Variants in RIT2 observed in about 807,000 individuals in gnomAD.
RIT2 encodes Ras like without CAAX 2.
Under a neutral mutation model 23.7 loss-of-function variants are expected in RIT2, and 24 were observed. The ratio of observed to expected loss-of-function variants is 1.01; its 90% CI spans 0.73 to 1.43. RIT2 has a LOEUF of 1.43. Ranked by LOEUF, RIT2 falls within the 40% of genes most tolerant of loss-of-function variation. The probability of loss-of-function intolerance (pLI) is 0.00; values close to 1 mark genes in which losing one functional copy is unlikely to be tolerated. For synonymous variants in RIT2, 107 were observed against 91.1 expected, an observed-to-expected ratio of 1.17 and a Z score of -0.99; for missense variants, 236 against 266.9, an observed-to-expected ratio of 0.88 and a Z score of 0.81.
intron 4 of RIT2, among the ~76,000 whole-genome samples, chr18:42,857,855 T>C (rs955581315): frequency 2.0e-5 from 3 of 152,170 alleles, no homozygotes; most frequent in Non-Finnish European, 4.4e-5. Flanking sequence ...GAATCAGTCT[T>C]GGGCTACATA....
chr18:42,806,570 T>C (rs1905690755), intron 4 of RIT2, among the ~76,000 whole-genome samples: 1 of 152,222 alleles, frequency 6.6e-6, no homozygotes, highest in African/African-American at 2.4e-5. Context: ...CTTGTGGCAC[T>C]GCGTTGATTT....
At chr18:42,993,642 C>T (rs1910907575) in intron 2 of RIT2, among the ~76,000 whole-genome samples, 1 of 152,050 alleles carries the variant, frequency 6.6e-6, no homozygotes, top group Admixed American at 6.6e-5. Context: ...CTTATCAGGC[C>T]AAGACACTTT....
At chr18:42,941,624 T>C (rs988209039) in intron 3 of RIT2, among the ~76,000 whole-genome samples, 5 of 152,068 alleles carry the variant, frequency 3.3e-5, no homozygotes, top group Admixed American at 2.0e-4. Context: ...TGTTGTGGAG[T>C]AGAATTAATC....
At chr18:43,101,095 C>T (rs1913673695) in intron 1 of RIT2, among the ~76,000 whole-genome samples, 1 of 151,892 alleles carries the variant, frequency 6.6e-6, no homozygotes, top group African/African-American at 2.4e-5. Context: ...ACACGATTCA[C>T]TTATAGTAAT....
At chr18:42,825,103 T>C (rs1293377277) in intron 4 of RIT2, among the ~76,000 whole-genome samples, 2 of 151,938 alleles carry the variant, frequency 1.3e-5, no homozygotes, top group African/African-American at 4.8e-5. Flanking sequence ...CAAACTTATG[T>C]TATTTAATTT....
At chr18:42,935,932 C>T (rs556716519) in intron 3 of RIT2, among the ~76,000 whole-genome samples, 133 of 151,838 alleles carry the variant, frequency 8.8e-4, no homozygotes, top group Middle Eastern at 3.4e-3. Flanking sequence ...GATTTGGCGC[C>T]CTATGCAGAT....
At chr18:43,077,689 C>G (rs775424559) in intron 1 of RIT2, among the ~76,000 whole-genome samples, 4 of 152,180 alleles carry the variant, frequency 2.6e-5, no homozygotes, top group Non-Finnish European at 4.4e-5. Flanking sequence ...CTTTTTATAA[C>G]TGACAGCCCA....
intron 4 of RIT2, among the ~76,000 whole-genome samples, chr18:42,789,224 T>G (rs2143943300): frequency 6.6e-6 from 1 of 152,288 alleles, no homozygotes; most frequent in South Asian, 2.1e-4. Flanking sequence ...AGAGTGAAAA[T>G]GTAAAAATGC....
Position 42,873,316 on chromosome 18 carries a change from G to A in RIT2, c.426+50256C>T, listed in dbSNP as rs73471638. 1.1e-4 allele frequency among the ~76,000 whole-genome samples: 17 copies of A among 151,960 alleles called. No individual in the cohort carries two copies. The East Asian group carries it at 3.3e-3, about 29-fold the overall frequency. ...CTAAGGACAGAAGCCTTTATATAGTGGAAAAACATTTAAAGTCTATACTTT... is the reference window on the plus strand; with the variant it reads ...CTAAGGACAGAAGCCTTTATATAGTAGAAAAACATTTAAAGTCTATACTTT... On this transcript the variant is annotated intron_variant, in intron 4 of 4. Transcript: ENST00000326695.
rs143337672 is a variant in RIT2, at chr18:42,994,358, C to T, written c.161-20211G>A. 4.5e-3 allele frequency among the ~76,000 whole-genome samples: 688 copies of T among 152,226 alleles called. 5 individuals are homozygous for T. The highest frequency in any genetic ancestry group is 0.037 in the Middle Eastern group (11 of 294). On this transcript the variant is annotated intron_variant, in intron 2 of 4. Transcript: ENST00000326695. ...ACATGCTCTCCCTGCCGATCGTGTC[C>T]GACTGATCTCTCAAACGTCAACCCC... is the stretch of plus-strand genomic sequence containing the variant.
intron 4 of RIT2, among the ~76,000 whole-genome samples, chr18:42,857,810 A>T (rs1311723651): frequency 6.6e-6 from 1 of 152,200 alleles, no homozygotes; most frequent in East Asian, 1.9e-4. Context: ...AGGGAATTAC[A>T]TGGTATTTGG....
chr18:42,804,511 C>T (rs1038680018), intron 4 of RIT2, among the ~76,000 whole-genome samples: 17 of 144,006 alleles, frequency 1.2e-4, no homozygotes, highest in African/African-American at 3.1e-4. Flanking sequence ...GCTGAGATTG[C>T]GCCACTGCAC....
intron 4 of RIT2, among the ~76,000 whole-genome samples, chr18:42,903,859 A>G (rs1386447387): frequency 1.3e-5 from 2 of 152,162 alleles, no homozygotes. Context: ...TGAAAAAGCA[A>G]GCAAATCAAT....
intron 4 of RIT2, among the ~76,000 whole-genome samples, chr18:42,790,829 A>T (rs1381973197): frequency 6.6e-6 from 1 of 152,226 alleles, no homozygotes; most frequent in Non-Finnish European, 1.5e-5. Context: ...CATTTTACAG[A>T]TAAGCAAATT....
intron 2 of RIT2, among the ~76,000 whole-genome samples, chr18:42,985,205 A>T (rs1910683121): frequency 6.6e-6 from 1 of 152,144 alleles, no homozygotes. Context: ...ATTCCAAAGA[A>T]TAAATCTTGT....
intron 1 of RIT2, among the ~76,000 whole-genome samples, chr18:43,059,055 G>A (rs1053369208): frequency 7.9e-5 from 12 of 151,824 alleles, no homozygotes; most frequent in South Asian, 2.1e-4. Flanking sequence ...AGGGGCTGTC[G>A]GCTTGAAGAA....
At chr18:42,859,149 C>T (rs1354227805) in intron 4 of RIT2, among the ~76,000 whole-genome samples, 1 of 152,144 alleles carries the variant, frequency 6.6e-6, no homozygotes, top group Non-Finnish European at 1.5e-5. Context: ...CCACAGAGGG[C>T]ACACCATTTT....
chr18:42,753,753 T>G (rs1188704980), intron 4 of RIT2, among the ~76,000 whole-genome samples: 1 of 152,220 alleles, frequency 6.6e-6, no homozygotes, highest in Non-Finnish European at 1.5e-5. Context: ...TATAATTGAT[T>G]TTGATCAGTT....
At chr18:42,906,007 CATATATATATATATGTATATATATA>C in intron 4 of RIT2, among the ~76,000 whole-genome samples, 1 of 3,174 alleles carries the variant, frequency 3.2e-4, no homozygotes. Context: ...TATATATATA[CATATATATATATATGTATATATATA>C]TATACATATA....
Sources: gnomAD v4.1 joint callset for allele counts (sites outside exome capture counted in the v4.1 genomes callset) on GRCh38, gnomAD v4.1.1 for gene constraint, MANE v1.5 for transcripts, NCBI Gene and HGNC (gene_info 2026-07-23, HGNC 2026-07-21) for gene names.